The following TMTC1 variants were observed in gnomAD, a reference collection of about 807,000 sequenced individuals.
The protein encoded by TMTC1 is transmembrane O-mannosyltransferase targeting cadherins 1, also known as protein O-mannosyl-transferase TMTC1.
TMTC1 carries 73 observed loss-of-function variants against 104.8 expected under a neutral mutation model. That is an observed-to-expected ratio of 0.70 (90% confidence interval 0.58 to 0.85). The LOEUF (loss-of-function observed/expected upper bound fraction) is 0.85. Ranked by LOEUF, TMTC1 falls within the 40% of genes least tolerant of loss-of-function variation. The pLI is 0.00. For synonymous variants in TMTC1, 434 were observed against 428.7 expected, an observed-to-expected ratio of 1.01 and a Z score of -0.15; for missense variants, 1,035 against 1,096.1, an observed-to-expected ratio of 0.94 and a Z score of 0.79.
intron 6 of TMTC1, among the ~76,000 whole-genome samples, chr12:29,607,170 A>T (rs1033542327): frequency 1.3e-5 from 2 of 152,072 alleles, no homozygotes; most frequent in African/African-American, 4.8e-5. Flanking sequence ...CACAGTCTTT[A>T]TTTCCTTCAT....
chr12:29,548,827 G>A (rs1301399978), intron 10 of TMTC1, among the ~76,000 whole-genome samples: 1 of 2,256 alleles, frequency 4.4e-4, no homozygotes, highest in East Asian at 9.1e-3. Flanking sequence ...TATATTGCTT[G>A]ATTATATCAC....
intron 5 of TMTC1, among the ~76,000 whole-genome samples, chr12:29,636,655 T>G (rs2136522370): frequency 6.6e-6 from 1 of 151,968 alleles, no homozygotes; most frequent in Non-Finnish European, 1.5e-5. Context: ...CTGTCTCTAC[T>G]AAAAATACAA....
Position 29,502,328 on chromosome 12 carries a change from CAAAGCA to C in TMTC1, c.*4512_*4517del, listed in dbSNP as rs1281736955. 4 of 138,746 alleles carry C rather than the reference CAAAGCA, an allele frequency of 2.9e-5. No homozygotes were observed. Among genetic ancestry groups the C allele is most frequent in the Admixed American group, 2.2e-4 (3 of 13,618 alleles). 8.6% of individuals were successfully genotyped at this position (138,746 alleles called of 1,614,324 possible). ...TTAAGAAGGTGAATCCACCACAAAT[CAAAGCA>C]AAAGTTTTTTTTTTTTTCAAAAACA... On this transcript the variant is annotated 3_prime_UTR_variant, in exon 18 of 18. Coordinates refer to ENST00000539277, the MANE Select transcript of TMTC1 (RefSeq NM_001193451.2).
chr12:29,710,759 TATTA>T (rs1445744483), intron 5 of TMTC1, among the ~76,000 whole-genome samples: 1 of 138,364 alleles, frequency 7.2e-6, no homozygotes, highest in African/African-American at 2.7e-5. Context: ...AATCTATTTA[TATTA>T]TATATTTATA....
intron 7 of TMTC1, among the ~76,000 whole-genome samples, chr12:29,597,387 C>T (rs1042057754): frequency 4.0e-5 from 6 of 151,578 alleles, no homozygotes; most frequent in African/African-American, 7.3e-5. Flanking sequence ...TCCATGTGAA[C>T]GTCTACGCAT....
At chr12:29,659,571 T>C (rs1288005742) in intron 5 of TMTC1, among the ~76,000 whole-genome samples, 1 of 152,192 alleles carries the variant, frequency 6.6e-6, no homozygotes, top group African/African-American at 2.4e-5. Flanking sequence ...ATCAGAATAG[T>C]AGGCCAAATA....
intron 9 of TMTC1, among the ~76,000 whole-genome samples, chr12:29,558,122 G>A (rs11050282): frequency 0.035 from 5,335 of 152,186 alleles, 279 homozygotes; most frequent in African/African-American, 0.12. Flanking sequence ...CTATACAGAA[G>A]CCAAATCTAC....
At chr12:29,744,285 AAC>A (rs1942897674) in intron 5 of TMTC1, among the ~76,000 whole-genome samples, 1 of 152,220 alleles carries the variant, frequency 6.6e-6, no homozygotes, top group Non-Finnish European at 1.5e-5. Flanking sequence ...AGCAGTTAGA[AAC>A]TATCAACTGC....
chr12:29,582,581 G>T (rs558834254), intron 8 of TMTC1, among the ~76,000 whole-genome samples: 1 of 152,372 alleles, frequency 6.6e-6, no homozygotes, highest in East Asian at 1.9e-4. Flanking sequence ...CCTGTTTCCT[G>T]TCTTGGGTGT....
intron 17 of TMTC1, among the ~76,000 whole-genome samples, chr12:29,511,621 A>G (rs1295579288): frequency 6.6e-6 from 1 of 152,206 alleles, no homozygotes; most frequent in Non-Finnish European, 1.5e-5. Flanking sequence ...AAGGTATATT[A>G]GACATAAGAA....
chr12:29,532,787 A>C (rs1401813708), intron 11 of TMTC1: 2 of 152,120 alleles, frequency 1.3e-5, no homozygotes, highest in Non-Finnish European at 2.9e-5. Flanking sequence ...ACTGGAAACA[A>C]TGTTGACACT....
At chr12:29,690,749 C>T (rs888348828) in intron 5 of TMTC1, among the ~76,000 whole-genome samples, 3 of 152,190 alleles carry the variant, frequency 2.0e-5, no homozygotes, top group South Asian at 2.1e-4. Flanking sequence ...TACAAATATA[C>T]ATTTTGTTTT....
chr12:29,543,525 A>G (rs1468460425), intron 10 of TMTC1, among the ~76,000 whole-genome samples: 1 of 152,216 alleles, frequency 6.6e-6, no homozygotes, highest in Non-Finnish European at 1.5e-5. Context: ...TGAACTTGGA[A>G]TGCTGGGCAG....
At chr12:29,609,830 G>T (rs2225065) in intron 6 of TMTC1, 65,421 of 152,200 alleles carry the variant, frequency 0.43, 14,463 homozygotes, top group African/African-American at 0.49. Context: ...AGCCCTAAGC[G>T]GCCCTGTTGC....
intron 7 of TMTC1, among the ~76,000 whole-genome samples, chr12:29,594,430 C>T (rs1424890196): frequency 6.6e-6 from 1 of 152,206 alleles, no homozygotes; most frequent in Non-Finnish European, 1.5e-5. Context: ...TTCTTTAATT[C>T]CCTACAATTC....
intron 12 of TMTC1, chr12:29,519,644 G>A (rs531009873): frequency 1.1e-3 from 169 of 152,222 alleles, no homozygotes; most frequent in African/African-American, 3.8e-3. Flanking sequence ...TGGTCACAGA[G>A]TTATCATTTT....
At chr12:29,771,896 GA>G (rs1212129240) in intron 1 of TMTC1, among the ~76,000 whole-genome samples, 1 of 152,182 alleles carries the variant, frequency 6.6e-6, no homozygotes, top group Non-Finnish European at 1.5e-5. Flanking sequence ...CAGGGGAAAA[GA>G]TCTTTGCCAT....
At chr12:29,589,950 C>G (rs987252514) in intron 7 of TMTC1, among the ~76,000 whole-genome samples, 1 of 152,176 alleles carries the variant, frequency 6.6e-6, no homozygotes, top group African/African-American at 2.4e-5. Flanking sequence ...GCCCCAGAAG[C>G]TAGGAATGGG....
At chr12:29,520,791 A>C in intron 11 of TMTC1, 71 bp from the exon 12 acceptor site, 1 of 1,204,650 alleles carries the variant, frequency 8.3e-7, no homozygotes, top group Non-Finnish European at 1.2e-6. Flanking sequence ...GAATATTAGG[A>C]GCAGGAAAAG....
Sources: gnomAD v4.1 joint callset for allele counts (sites outside exome capture counted in the v4.1 genomes callset) on GRCh38, gnomAD v4.1.1 for gene constraint, MANE v1.5 for transcripts, NCBI Gene and HGNC (gene_info 2026-07-23, HGNC 2026-07-21) for gene names.